UBE2D2: variants seen among roughly 807,000 people sequenced by gnomAD.
UBE2D2 encodes ubiquitin conjugating enzyme E2 D2, also known as ubiquitin-conjugating enzyme E2 D2.
A neutral mutation model predicts 24.2 loss-of-function variants in UBE2D2; 2 were observed. The ratio of observed to expected loss-of-function variants is 0.08; its 90% CI spans 0.03 to 0.26. UBE2D2 has a LOEUF of 0.26. UBE2D2 is among the 10% of genes least tolerant of loss of function. The pLI is 1.00. For missense variants in UBE2D2, 44 were observed against 177.6 expected (o/e 0.25, Z 4.28); for synonymous variants, 58 against 56.5 (o/e 1.03, Z -0.12).
chr5:139,544,170 T>TTC (rs1332817390), intron 1 of UBE2D2, among the ~76,000 whole-genome samples: 3 of 145,836 alleles, frequency 2.1e-5, no homozygotes, highest in African/African-American at 7.4e-5. Context: ...CTTTCTTTCT[T>TTC]TTTTTTTTTT....
intron 6 of UBE2D2, among the ~76,000 whole-genome samples, chr5:139,625,985 C>A (rs1221873621): frequency 6.6e-6 from 1 of 152,110 alleles, no homozygotes; most frequent in African/African-American, 2.4e-5. Context: ...AAGCAATAAA[C>A]CCATTCATTT....
chr5:139,625,373 C>G (rs1471707896), intron 6 of UBE2D2, among the ~76,000 whole-genome samples: 7 of 149,394 alleles, frequency 4.7e-5, no homozygotes, highest in Admixed American at 1.3e-4. Context: ...CCTCAGCCCC[C>G]CAAAGTGCTG....
chr5:139,563,518 A>C (rs1168883480), intron 1 of UBE2D2, among the ~76,000 whole-genome samples: 2 of 152,210 alleles, frequency 1.3e-5, no homozygotes, highest in Non-Finnish European at 2.9e-5. Context: ...GGCTTTTAGG[A>C]ATTGCTAGGT....
intron 1 of UBE2D2, among the ~76,000 whole-genome samples, chr5:139,590,443 TAAAA>T (rs1035963843): frequency 2.2e-4 from 21 of 95,046 alleles, no homozygotes; most frequent in African/African-American, 5.9e-4. Context: ...TCAAAAAAAA[TAAAA>T]AAAAAAAAAA....
chr5:139,558,181 AAAATGTGACCAGTTAAAT>A (rs1432820649), upstream of UBE2D2, among the ~76,000 whole-genome samples: 59 of 152,336 alleles, frequency 3.9e-4, no homozygotes, highest in African/African-American at 1.4e-3. Context: ...AATGTTCCCC[AAAATGTGACCAGTTAAAT>A]AAATATGGTA....
Position 139,594,122 on chromosome 5 carries a change from G to A in UBE2D2, c.25-6250G>A, listed in dbSNP as rs369801884. On this transcript the variant is annotated intron_variant, in intron 1 of 6. Coordinates refer to ENST00000398733, the MANE Select transcript of UBE2D2 (RefSeq NM_003339.3). ...ACACCATAGGGTGAGGACCAACAGG[G>A]TAAACAAATCTTTCCCATGCTATTT... Among the ~76,000 whole-genome samples the A allele has an allele frequency of 3.2e-4, 49 of 152,276 alleles. 1 individual carries two copies. The East Asian group carries it at 5.6e-3, about 17-fold the overall frequency.
chr5:139,545,421 CT>C (rs971178938), intron 1 of UBE2D2, among the ~76,000 whole-genome samples: 101 of 90,634 alleles, frequency 1.1e-3, no homozygotes, highest in South Asian at 3.6e-3. Flanking sequence ...TTTAAATTTT[CT>C]TTTTTTTTTT....
intron 1 of UBE2D2, among the ~76,000 whole-genome samples, chr5:139,595,244 G>A (rs748445853): frequency 3.3e-5 from 5 of 152,084 alleles, no homozygotes; most frequent in African/African-American, 1.2e-4. Context: ...CACATGTTCC[G>A]ACTAGATCGA....
chr5:139,551,754 C>T (rs758609301), intron 1 of UBE2D2, among the ~76,000 whole-genome samples: 1 of 152,186 alleles, frequency 6.6e-6, no homozygotes, highest in African/African-American at 2.4e-5. Context: ...GGTGACAGGA[C>T]TCTAACCTAG....
chr5:139,533,195 G>T (rs181702759), intron 1 of UBE2D2, among the ~76,000 whole-genome samples: 10 of 151,490 alleles, frequency 6.6e-5, no homozygotes, highest in African/African-American at 2.4e-4. Flanking sequence ...ACTTTTTTTG[G>T]TGTGTGAGAG....
chr5:139,613,670 A>G (rs935150218), intron 2 of UBE2D2, among the ~76,000 whole-genome samples: 13 of 151,466 alleles, frequency 8.6e-5, no homozygotes, highest in Admixed American at 3.9e-4. Context: ...AATGAGGGCC[A>G]GTAATGTACA....
At chr5:139,599,713 G>A (rs1754032798) in intron 1 of UBE2D2, 1 of 151,872 alleles carries the variant, frequency 6.6e-6, no homozygotes, top group South Asian at 2.1e-4. Flanking sequence ...CTCCAGCCTG[G>A]GCGACAGAGC....
chr5:139,569,318 A>G (rs948786678), intron 1 of UBE2D2, among the ~76,000 whole-genome samples: 4 of 152,198 alleles, frequency 2.6e-5, no homozygotes, highest in Non-Finnish European at 4.4e-5. Context: ...TAATTCAAAC[A>G]GCCATCGAGG....
At chr5:139,569,405 G>A (rs770447727) in intron 1 of UBE2D2, among the ~76,000 whole-genome samples, 1 of 152,128 alleles carries the variant, frequency 6.6e-6, no homozygotes, top group Non-Finnish European at 1.5e-5. Context: ...CAAGGAAGAG[G>A]TTTTGACAAG....
At chr5:139,590,300 T>C (rs1235150067) in intron 1 of UBE2D2, among the ~76,000 whole-genome samples, 2 of 151,652 alleles carry the variant, frequency 1.3e-5, no homozygotes, top group East Asian at 3.9e-4. Context: ...CTGGGCGTGG[T>C]GGTGGATGCC....
chr5:139,600,221 T>G (rs1410125556), intron 1 of UBE2D2, 151 bp from the exon 2 acceptor site: 2 of 852,348 alleles, frequency 2.3e-6, no homozygotes, highest in African/African-American at 1.7e-5. Flanking sequence ...ACCTTAAAGA[T>G]TCACCAATCT....
intron 1 of UBE2D2, among the ~76,000 whole-genome samples, chr5:139,533,913 G>T (rs189956351): frequency 0.037 from 5,625 of 150,852 alleles, 130 homozygotes; most frequent in Non-Finnish European, 0.058. Flanking sequence ...CTCCCGAGTA[G>T]CTGGGATTAC....
chr5:139,539,666 A>T (rs1234892852), intron 1 of UBE2D2, among the ~76,000 whole-genome samples: 3 of 152,022 alleles, frequency 2.0e-5, no homozygotes, highest in Non-Finnish European at 4.4e-5. Flanking sequence ...ATCTCGGCTG[A>T]CTGCAACCTC....
At chr5:139,588,058 GGCACAA>G (rs1340564285) in intron 1 of UBE2D2, among the ~76,000 whole-genome samples, 1 of 152,014 alleles carries the variant, frequency 6.6e-6, no homozygotes, top group African/African-American at 2.4e-5. Context: ...CCAACTCCTG[GGCACAA>G]GTGATCCCCC....
Sources: gnomAD v4.1 joint callset for allele counts (sites outside exome capture counted in the v4.1 genomes callset) on GRCh38, gnomAD v4.1.1 for gene constraint, MANE v1.5 for transcripts, NCBI Gene and HGNC (gene_info 2026-07-23, HGNC 2026-07-21) for gene names.